The following GRIN2B variants were observed in gnomAD, a reference collection of about 807,000 sequenced individuals.
The protein encoded by GRIN2B is glutamate ionotropic receptor NMDA type subunit 2B.
In GRIN2B, 5 loss-of-function variants were observed where a neutral mutation model predicts 114.5. The ratio of observed to expected loss-of-function variants is 0.04; its 90% CI spans 0.02 to 0.09. The LOEUF (loss-of-function observed/expected upper bound fraction) is 0.09. GRIN2B is among the 10% of genes least tolerant of loss of function. The pLI is 1.00. For synonymous variants in GRIN2B, 787 were observed against 745.1 expected, an observed-to-expected ratio of 1.06 and a Z score of -0.92; for missense variants, 1,108 against 1,943.5, an observed-to-expected ratio of 0.57 and a Z score of 8.08.
intron 10 of GRIN2B, among the ~76,000 whole-genome samples, chr12:13,574,529 A>G (rs1040385122): frequency 1.3e-5 from 2 of 152,174 alleles, no homozygotes; most frequent in African/African-American, 4.8e-5. Flanking sequence ...AAATTATTAC[A>G]CTTTAATTTT....
intron 4 of GRIN2B, among the ~76,000 whole-genome samples, chr12:13,677,562 A>G (rs1950087177): frequency 6.6e-6 from 1 of 152,116 alleles, no homozygotes; most frequent in Admixed American, 6.6e-5. Flanking sequence ...ATTGAAAGAG[A>G]TTTTCACAAT....
chr12:13,938,037 G>A (rs951262625), intron 2 of GRIN2B, among the ~76,000 whole-genome samples: 1 of 151,968 alleles, frequency 6.6e-6, no homozygotes, highest in African/African-American at 2.4e-5. Context: ...TTTAGCCCTA[G>A]AGCAACCACT....
In GRIN2B at chr12:13,543,234, C is replaced by A. The variant is rs961965218; in HGVS notation, c.*19549G>T. The stretch of plus-strand genomic sequence containing the variant: ...CTCAGCCCACCACCCCAACAACAGA[C>A]CCCAAACCACCAATAACTGCAAGCC... On this transcript the variant is annotated 3_prime_UTR_variant, in exon 14 of 14. Coordinates refer to ENST00000609686, the MANE Select transcript of GRIN2B (RefSeq NM_000834.5). The A allele has an allele frequency of 2.6e-5, 4 of 152,174 alleles. No homozygotes were observed. Among genetic ancestry groups the A allele is most frequent in the African/African-American group, 9.7e-5 (4 of 41,342 alleles). 9.4% of individuals were successfully genotyped at this position (152,174 alleles called of 1,614,324 possible).
chr12:13,760,488 T>C (rs1863659187), intron 3 of GRIN2B, among the ~76,000 whole-genome samples: 1 of 152,218 alleles, frequency 6.6e-6, no homozygotes, highest in Non-Finnish European at 1.5e-5. Context: ...TATAATCCTG[T>C]TAGTACACTA....
At chr12:13,788,960 G>A (rs998654436) in intron 3 of GRIN2B, among the ~76,000 whole-genome samples, 7 of 152,142 alleles carry the variant, frequency 4.6e-5, no homozygotes, top group African/African-American at 7.2e-5. Flanking sequence ...GGCAAATGTC[G>A]AACTCACTTA....
At chr12:13,957,349 A>G (rs938189197) in intron 2 of GRIN2B, among the ~76,000 whole-genome samples, 1 of 152,158 alleles carries the variant, frequency 6.6e-6, no homozygotes, top group African/African-American at 2.4e-5. Flanking sequence ...GTATGGGTAC[A>G]CACACAAGCT....
intron 2 of GRIN2B, among the ~76,000 whole-genome samples, chr12:13,944,410 G>A (rs1867326750): frequency 6.6e-6 from 1 of 152,210 alleles, no homozygotes; most frequent in African/African-American, 2.4e-5. Flanking sequence ...AACAGAAGCA[G>A]AGCTGTGTGT....
intron 8 of GRIN2B, among the ~76,000 whole-genome samples, chr12:13,613,036 A>G (rs1408478813): frequency 6.6e-6 from 1 of 152,232 alleles, no homozygotes; most frequent in African/African-American, 2.4e-5. Context: ...TGGTCACTTA[A>G]TCAATTTTTA....
At chr12:13,650,607 TG>T (rs1289033390) in intron 5 of GRIN2B, among the ~76,000 whole-genome samples, 4 of 151,920 alleles carry the variant, frequency 2.6e-5, no homozygotes, top group Non-Finnish European at 4.4e-5. Context: ...AATTGGCAAA[TG>T]GGGGAAAAAA....
intron 9 of GRIN2B, 107 bp from the exon 10 acceptor site, chr12:13,608,939 G>A (rs1327391776): frequency 2.2e-5 from 18 of 803,586 alleles, no homozygotes; most frequent in South Asian, 5.7e-5. Context: ...AAACCCTTCC[G>A]CTAAAACCAA....
rs1224781448 is a variant in GRIN2B at position 13,757,217 on chromosome 12, T to C, written c.412-3302A>G. 2.6e-5 allele frequency among the ~76,000 whole-genome samples: 4 copies of C among 152,214 alleles called. No homozygotes were observed. In the South Asian group the frequency reaches 8.3e-4, roughly 32 times the overall value. On this transcript the variant is annotated intron_variant, in intron 3 of 13. Coordinates refer to ENST00000609686, the MANE Select transcript of GRIN2B (RefSeq NM_000834.5). ...AAACAGAAGTCAAGAAACAGAATAA[T>C]AGCTTGGGCCAATGTTTCCTGGTAT... is the stretch of plus-strand genomic sequence containing the variant.
At chr12:13,924,524 A>C (rs954136419) in intron 2 of GRIN2B, among the ~76,000 whole-genome samples, 1 of 152,182 alleles carries the variant, frequency 6.6e-6, no homozygotes, top group East Asian at 1.9e-4. Context: ...AACCCACAGC[A>C]CAGCAGGGAT....
At chr12:13,565,474 C>T (rs145978027) in intron 13 of GRIN2B, among the ~76,000 whole-genome samples, 3 of 152,132 alleles carry the variant, frequency 2.0e-5, no homozygotes, top group Non-Finnish European at 4.4e-5. Context: ...TAGTATTGAT[C>T]GAGAGCTCCC....
At position 13,799,702 on chromosome 12, in the gene GRIN2B, G is replaced by C. The variant is rs183787141; in HGVS notation, c.412-45787C>G. Reference sequence around the variant, plus strand: ...ATAATAACAAATCAGCAGGAGAGAGGGGGGGAAAGGAGGAGCAGGGAAGGA... The same window carrying C: ...ATAATAACAAATCAGCAGGAGAGAGCGGGGGAAAGGAGGAGCAGGGAAGGA... On this transcript the variant is annotated intron_variant, in intron 3 of 13. Coordinates refer to ENST00000609686, the MANE Select transcript of GRIN2B (RefSeq NM_000834.5). Among the ~76,000 whole-genome samples, 149 of 152,170 alleles carry C rather than the reference G, an allele frequency of 9.8e-4. 1 individual carries two copies. Among genetic ancestry groups the C allele is most frequent in the Middle Eastern group, 6.8e-3 (2 of 294 alleles).
chr12:13,883,548 A>G (rs1591601612), intron 2 of GRIN2B, among the ~76,000 whole-genome samples: 1 of 152,072 alleles, frequency 6.6e-6, no homozygotes, highest in Admixed American at 6.5e-5. Flanking sequence ...TCTCCTGCCA[A>G]CTAATGATGT....
chr12:13,870,921 G>A (rs1332397568), intron 2 of GRIN2B, among the ~76,000 whole-genome samples: 1 of 152,142 alleles, frequency 6.6e-6, no homozygotes, highest in African/African-American at 2.4e-5. Flanking sequence ...GGTCAAAGTG[G>A]TAGTATCTAT....
At chr12:13,793,979 A>G (rs571855990) in intron 3 of GRIN2B, among the ~76,000 whole-genome samples, 1 of 146,850 alleles carries the variant, frequency 6.8e-6, no homozygotes, top group Admixed American at 7.0e-5. Flanking sequence ...AGACAGGCAG[A>G]TTGCTTAAGC....
Position 13,921,557 on chromosome 12 carries a change from C to T in GRIN2B, c.-18-55331G>A, listed in dbSNP as rs528983698. On this transcript the variant is annotated intron_variant, in intron 2 of 13. Coordinates refer to ENST00000609686, the MANE Select transcript of GRIN2B (RefSeq NM_000834.5). Reference sequence around the variant, plus strand: ...TCGAGTATCTTGATGGAAGAGTTTGCAACACACTGCACATCTTTCTCTCTA... The same window carrying T: ...TCGAGTATCTTGATGGAAGAGTTTGTAACACACTGCACATCTTTCTCTCTA... Among the ~76,000 whole-genome samples, 3 of 152,260 alleles carry T rather than the reference C, an allele frequency of 2.0e-5. No homozygotes were observed. The South Asian group carries it at 6.2e-4, about 32-fold the overall frequency.
intron 2 of GRIN2B, among the ~76,000 whole-genome samples, chr12:13,872,153 GA>G (rs1337939811): frequency 6.6e-6 from 1 of 151,448 alleles, no homozygotes; most frequent in Non-Finnish European, 1.5e-5. Context: ...ATAATTATAA[GA>G]AAAGATTATT....
Sources: gnomAD v4.1 joint callset for allele counts (sites outside exome capture counted in the v4.1 genomes callset) on GRCh38, gnomAD v4.1.1 for gene constraint, MANE v1.5 for transcripts, NCBI Gene and HGNC (gene_info 2026-07-23, HGNC 2026-07-21) for gene names.